TRPM3: variants seen among roughly 807,000 people sequenced by gnomAD.
The protein encoded by TRPM3 is transient receptor potential cation channel subfamily M member 3.
A neutral mutation model predicts 181.2 loss-of-function variants in TRPM3; 77 were observed. The ratio of observed to expected loss-of-function variants is 0.42; its 90% CI spans 0.35 to 0.51. The LOEUF (loss-of-function observed/expected upper bound fraction) is 0.51, where lower values mean the gene tolerates loss of function less well. Among genes scored for constraint, TRPM3 ranks in the 20% least tolerant of loss-of-function variants. TRPM3 has a pLI of 0.01. For missense variants in TRPM3, 1,759 were observed against 2,196.7 expected (o/e 0.80, Z 3.98); for synonymous variants, 745 against 796.4 (o/e 0.94, Z 1.09).
chr9:71,288,850 A>G (rs1376556817), intron 1 of TRPM3, among the ~76,000 whole-genome samples: 2 of 152,140 alleles, frequency 1.3e-5, no homozygotes, highest in Non-Finnish European at 2.9e-5. Flanking sequence ...CCAATGGTTG[A>G]GCTACAAAAA....
intron 1 of TRPM3, among the ~76,000 whole-genome samples, chr9:70,997,855 T>C (rs1445362897): frequency 1.3e-5 from 2 of 152,148 alleles, no homozygotes; most frequent in African/African-American, 2.4e-5. Flanking sequence ...TCTTCTTGTG[T>C]GCCTACCTTC....
intron 1 of TRPM3, among the ~76,000 whole-genome samples, chr9:71,240,926 A>C (rs1271348896): frequency 6.6e-6 from 1 of 152,172 alleles, no homozygotes; most frequent in Non-Finnish European, 1.5e-5. Context: ...TTTATGTTAA[A>C]AATTTCCTAC....
At chr9:71,431,494 G>T (rs113053469) in intron 1 of TRPM3, among the ~76,000 whole-genome samples, 1 of 152,074 alleles carries the variant, frequency 6.6e-6, no homozygotes, top group African/African-American at 2.4e-5. Flanking sequence ...CCTTGACTTA[G>T]TCTCAACATC....
chr9:70,536,374 A>G lies in TRPM3; in HGVS notation c.4739T>C (p.Phe1580Ser), dbSNP rs752495770. The G allele has an allele frequency of 1.9e-6, 3 of 1,613,904 alleles. No individual in the cohort carries two copies. The highest frequency in any genetic ancestry group is 1.3e-5 in the African/African-American group (1 of 74,890). Reference sequence around the variant, plus strand: ...CACTTTGTCTCCAAGACCTCCAGGGAAGGCAGCTCTGTCCGCAATTGCTTG... The same window carrying G: ...CACTTTGTCTCCAAGACCTCCAGGGGAGGCAGCTCTGTCCGCAATTGCTTG... ...APQAIADRAA[F>S]PGGLGDKVED... The change falls in exon 26 of 26, where the codon TTC becomes TCC. Residue 1580 changes from phenylalanine (F) to serine (S), a missense_variant. Transcript: ENST00000677713.
chr9:71,355,305 C>A (rs1420638567), intron 1 of TRPM3, among the ~76,000 whole-genome samples: 1 of 152,148 alleles, frequency 6.6e-6, no homozygotes, highest in African/African-American at 2.4e-5. Context: ...AGCACTAACC[C>A]AATGTCTGGT....
At chr9:70,856,233 A>C (rs2095383767) in intron 3 of TRPM3, among the ~76,000 whole-genome samples, 1 of 152,214 alleles carries the variant, frequency 6.6e-6, no homozygotes, top group Non-Finnish European at 1.5e-5. Context: ...CAGAAATATA[A>C]CTGATAAATT....
At chr9:70,793,467 A>AAT (rs1554710164) in intron 6 of TRPM3, 2 of 116,192 alleles carry the variant, frequency 1.7e-5, no homozygotes, top group African/African-American at 5.7e-5. Flanking sequence ...AAAAAAAAAA[A>AAT]AAATATATAT....
chr9:71,280,072 C>T (rs2084577370), intron 1 of TRPM3, among the ~76,000 whole-genome samples: 1 of 129,676 alleles, frequency 7.7e-6, no homozygotes, highest in African/African-American at 2.9e-5. Flanking sequence ...GAGTGAAACT[C>T]CATCTCAAAA....
intron 1 of TRPM3, among the ~76,000 whole-genome samples, chr9:70,976,741 T>C (rs1005539830): frequency 6.6e-6 from 1 of 152,150 alleles, no homozygotes; most frequent in Non-Finnish European, 1.5e-5. Context: ...CCCTCATCTG[T>C]TAAAATGTGC....
chr9:71,368,812 T>A (rs1565504962), intron 1 of TRPM3, among the ~76,000 whole-genome samples: 1 of 152,178 alleles, frequency 6.6e-6, no homozygotes, highest in Non-Finnish European at 1.5e-5. Flanking sequence ...CAAACACTAA[T>A]AAGTAAATTT....
intron 25 of TRPM3, among the ~76,000 whole-genome samples, chr9:70,543,448 T>C (rs903828265): frequency 1.3e-5 from 2 of 149,860 alleles, no homozygotes; most frequent in Admixed American, 1.3e-4. Flanking sequence ...ATTCTTTCTA[T>C]TTTTTTTTGT....
intron 1 of TRPM3, among the ~76,000 whole-genome samples, chr9:71,288,156 C>G (rs2085459512): frequency 6.6e-6 from 1 of 151,450 alleles, no homozygotes; most frequent in Non-Finnish European, 1.5e-5. Flanking sequence ...TTGCTCTAAA[C>G]CCCGATATTA....
At chr9:71,000,214 G>C (rs1055616929) in intron 1 of TRPM3, among the ~76,000 whole-genome samples, 1 of 152,140 alleles carries the variant, frequency 6.6e-6, no homozygotes, top group Admixed American at 6.5e-5. Flanking sequence ...CACATTCATC[G>C]GTTTTGGCTC....
At chr9:71,149,220 G>A (rs1430673572) in intron 1 of TRPM3, among the ~76,000 whole-genome samples, 2 of 151,874 alleles carry the variant, frequency 1.3e-5, no homozygotes, top group African/African-American at 2.4e-5. Context: ...AGCAACATAG[G>A]GAGATCCAGT....
At chr9:70,807,817 GC>G (rs2091036319) in intron 6 of TRPM3, among the ~76,000 whole-genome samples, 1 of 152,102 alleles carries the variant, frequency 6.6e-6, no homozygotes, top group Non-Finnish European at 1.5e-5. Flanking sequence ...GTGAATGTGG[GC>G]CCAGGAGGAT....
chr9:71,204,972 C>T (rs987430264), intron 1 of TRPM3, among the ~76,000 whole-genome samples: 2 of 151,982 alleles, frequency 1.3e-5, no homozygotes, highest in Non-Finnish European at 2.9e-5. Flanking sequence ...GACAAAAAAC[C>T]AAACACGGCA....
chr9:71,240,392 C>T (rs751986106), intron 1 of TRPM3, among the ~76,000 whole-genome samples: 1 of 152,090 alleles, frequency 6.6e-6, no homozygotes, highest in Non-Finnish European at 1.5e-5. Context: ...CCCTGGTGTT[C>T]CATTTACTAG....
chr9:71,236,039 G>A (rs1019361108), intron 1 of TRPM3, among the ~76,000 whole-genome samples: 1 of 152,206 alleles, frequency 6.6e-6, no homozygotes, highest in Admixed American at 6.5e-5. Context: ...GGTAACAAAA[G>A]TTTCAGTAGC....
chr9:71,247,095 T>G (rs2082074626), intron 1 of TRPM3, among the ~76,000 whole-genome samples: 1 of 152,126 alleles, frequency 6.6e-6, no homozygotes, highest in African/African-American at 2.4e-5. Context: ...ACTCCTAACC[T>G]TAGGTGATTT....
Sources: allele counts gnomAD v4.1 joint callset (sites outside exome capture counted in the v4.1 genomes callset), GRCh38; gene constraint gnomAD v4.1.1; transcripts MANE v1.5; gene names NCBI Gene and HGNC (gene_info 2026-07-23, HGNC 2026-07-21).